The following SPATA17 variants were observed in gnomAD, a reference collection of about 807,000 sequenced individuals.
SPATA17 encodes spermatogenesis associated 17.
In SPATA17, 53 loss-of-function variants were observed where a neutral mutation model predicts 62.2. The ratio of observed to expected loss-of-function variants is 0.85; its 90% CI spans 0.68 to 1.07. The LOEUF is 1.07. SPATA17 is among the 50% of genes least tolerant of loss of function. The pLI is 0.00. For synonymous variants in SPATA17, 146 were observed against 146.8 expected, an observed-to-expected ratio of 0.99 and a Z score of 0.04; for missense variants, 466 against 425.5, an observed-to-expected ratio of 1.10 and a Z score of -0.84.
In SPATA17 at chr1:217,631,449, A is replaced by G. The variant is rs1320647952; in HGVS notation, c.68+3A>G. ...AATCAGTACTACTTTAGGAACAGGT[A>G]AGTCAGGAAGAGAAGGATCGCGTAA... On this transcript the variant is annotated splice_donor_region_variant and intron_variant, in intron 1 of 10. Coordinates refer to ENST00000366933, the MANE Select transcript of SPATA17 (RefSeq NM_138796.4). The G allele has an allele frequency of 1.9e-6, 3 of 1,614,142 alleles. No individual in the cohort carries two copies. The highest frequency in any genetic ancestry group is 1.7e-5 in the Admixed American group (1 of 60,006).
At chr1:217,815,099 C>A (rs1267317319) in intron 9 of SPATA17, among the ~76,000 whole-genome samples, 1 of 152,042 alleles carries the variant, frequency 6.6e-6, no homozygotes. Context: ...GGCCTCCAAA[C>A]CTATTGCCTT....
intron 3 of SPATA17, among the ~76,000 whole-genome samples, chr1:217,654,975 G>A: frequency 6.6e-6 from 1 of 152,136 alleles, no homozygotes; most frequent in Non-Finnish European, 1.5e-5. Flanking sequence ...CTCCCAAAGT[G>A]CTGGGATTAT....
At chr1:217,826,929 A>G (rs1675013733) in intron 9 of SPATA17, among the ~76,000 whole-genome samples, 1 of 152,136 alleles carries the variant, frequency 6.6e-6, no homozygotes, top group Admixed American at 6.6e-5. Flanking sequence ...GGAGGACTAT[A>G]TAAACTATAC....
chr1:217,783,162 T>C (rs1673772759), intron 8 of SPATA17, among the ~76,000 whole-genome samples: 1 of 150,642 alleles, frequency 6.6e-6, no homozygotes, highest in African/African-American at 2.4e-5. Flanking sequence ...ATGTGCTAAT[T>C]GTTACATAAT....
At chr1:217,689,984 A>ACT (rs1671308803) in intron 5 of SPATA17, among the ~76,000 whole-genome samples, 2 of 151,608 alleles carry the variant, frequency 1.3e-5, no homozygotes, top group Non-Finnish European at 2.9e-5. Flanking sequence ...GCTCACTGCA[A>ACT]TCTCCGCCTC....
At chr1:217,747,120 G>C (rs1168817408) in intron 6 of SPATA17, among the ~76,000 whole-genome samples, 1 of 152,016 alleles carries the variant, frequency 6.6e-6, no homozygotes, top group African/African-American at 2.4e-5. Flanking sequence ...ACTAATTTTG[G>C]TTGATTTGGA....
At chr1:217,677,887 A>G (rs767128795) in intron 4 of SPATA17, among the ~76,000 whole-genome samples, 1 of 152,154 alleles carries the variant, frequency 6.6e-6, no homozygotes, top group Non-Finnish European at 1.5e-5. Context: ...TACGTCCTAT[A>G]TGTGTGAAAC....
intron 5 of SPATA17, among the ~76,000 whole-genome samples, chr1:217,739,093 T>C (rs942135078): frequency 2.0e-4 from 30 of 152,214 alleles, no homozygotes; most frequent in Admixed American, 2.0e-4. Flanking sequence ...GCAAAATACA[T>C]TCAAATATGT....
intron 8 of SPATA17, among the ~76,000 whole-genome samples, chr1:217,784,013 T>C (rs11117932): frequency 0.49 from 74,095 of 151,834 alleles, 19,327 homozygotes; most frequent in Non-Finnish European, 0.59. Context: ...TCAAATCTAT[T>C]ATTTTTTTTT....
intron 7 of SPATA17, among the ~76,000 whole-genome samples, chr1:217,779,742 G>T (rs1673689376): frequency 6.6e-6 from 1 of 151,428 alleles, no homozygotes; most frequent in Non-Finnish European, 1.5e-5. Flanking sequence ...ATACCTCATT[G>T]GTGACATTTA....
chr1:217,829,525 G>A (rs1197299661), intron 9 of SPATA17, among the ~76,000 whole-genome samples: 1 of 149,876 alleles, frequency 6.7e-6, no homozygotes, highest in African/African-American at 2.5e-5. Context: ...CTACTTGGGA[G>A]GCTGAGACAG....
chr1:217,861,267 C>G (rs1417158326), intron 9 of SPATA17, among the ~76,000 whole-genome samples: 1 of 151,602 alleles, frequency 6.6e-6, no homozygotes, highest in Non-Finnish European at 1.5e-5. Context: ...TCATTTATTC[C>G]TTCTCTTTAT....
At chr1:217,632,316 C>G (rs770059234) in intron 1 of SPATA17, among the ~76,000 whole-genome samples, 1 of 152,124 alleles carries the variant, frequency 6.6e-6, no homozygotes, top group South Asian at 2.1e-4. Context: ...TTCTTCATCT[C>G]CCTACAGCCA....
chr1:217,862,898 A>G, intron 10 of SPATA17, 42 bp downstream of exon 10: 1 of 1,301,536 alleles, frequency 7.7e-7, no homozygotes, highest in Non-Finnish European at 1.1e-6. Flanking sequence ...AGTATATTAA[A>G]TAACACTTAA....
chr1:217,688,248 A>G (rs1671268012), intron 5 of SPATA17, among the ~76,000 whole-genome samples: 1 of 152,046 alleles, frequency 6.6e-6, no homozygotes, highest in African/African-American at 2.4e-5. Flanking sequence ...AAAAAAAATA[A>G]ATAAACAAAA....
At chr1:217,860,333 G>A (rs967167372) in intron 9 of SPATA17, among the ~76,000 whole-genome samples, 8 of 152,068 alleles carry the variant, frequency 5.3e-5, no homozygotes, top group Non-Finnish European at 1.2e-4. Flanking sequence ...GGTCTATCTT[G>A]GTGAATGTTC....
chr1:217,677,633 C>T (rs1258147341), intron 4 of SPATA17, among the ~76,000 whole-genome samples: 1 of 152,102 alleles, frequency 6.6e-6, no homozygotes, highest in African/African-American at 2.4e-5. Flanking sequence ...CTGGACAACA[C>T]CAAGCTTTTA....
intron 5 of SPATA17, among the ~76,000 whole-genome samples, 200 bp from the exon 6 acceptor site, chr1:217,741,774 AC>A (rs1268483109): frequency 1.3e-5 from 2 of 152,316 alleles, no homozygotes; most frequent in Non-Finnish European, 2.9e-5. Flanking sequence ...GATCTCAAAA[AC>A]TTAATCACTG....
chr1:217,742,597 G>A (rs1280207019), intron 6 of SPATA17, among the ~76,000 whole-genome samples: 2 of 152,264 alleles, frequency 1.3e-5, no homozygotes, highest in East Asian at 3.9e-4. Context: ...GTATAAGCAC[G>A]AAATTTGGAA....
Sources: allele counts gnomAD v4.1 joint callset (sites outside exome capture counted in the v4.1 genomes callset), GRCh38; gene constraint gnomAD v4.1.1; transcripts MANE v1.5; gene names NCBI Gene and HGNC (gene_info 2026-07-23, HGNC 2026-07-21).